The following LIPA variants were observed in gnomAD, a reference collection of about 807,000 sequenced individuals.
LIPA encodes lipase A, lysosomal acid type, also known as lysosomal acid lipase/cholesteryl ester hydrolase.
In LIPA, 26 loss-of-function variants were observed where a neutral mutation model predicts 40.6. The ratio of observed to expected loss-of-function variants is 0.64; its 90% CI spans 0.47 to 0.89. The LOEUF is 0.89. Among genes scored for constraint, LIPA ranks in the 40% least tolerant of loss-of-function variants. The pLI, the probability that LIPA is intolerant of heterozygous loss-of-function variation, is 0.00. For synonymous variants in LIPA, 188 were observed against 168.4 expected (o/e 1.12, Z -0.90); for missense variants, 455 against 479.6 (o/e 0.95, Z 0.48).
chr10:89,248,450 TTA>T (rs1491168885), intron 1 of LIPA, among the ~76,000 whole-genome samples: 1 of 34,596 alleles, frequency 2.9e-5, no homozygotes, highest in African/African-American at 2.0e-4. Flanking sequence ...TTATATTTAT[TTA>T]TTTATTTATT....
chr10:89,369,225 C>CTCAG (rs1161446605), intron 2 of LIPA, among the ~76,000 whole-genome samples: 1 of 152,286 alleles, frequency 6.6e-6, no homozygotes, highest in Admixed American at 6.5e-5. Context: ...GGAAGAGAAA[C>CTCAG]TCAGTCTCCT....
chr10:89,265,836 A>T (rs1843233053), intron 1 of LIPA, among the ~76,000 whole-genome samples: 1 of 152,236 alleles, frequency 6.6e-6, no homozygotes, highest in African/African-American at 2.4e-5. Flanking sequence ...TAAAAACCAA[A>T]GAAGATGCTA....
chr10:89,238,650 A>G (rs1324226683), intron 3 of LIPA, among the ~76,000 whole-genome samples: 1 of 152,062 alleles, frequency 6.6e-6, no homozygotes, highest in Non-Finnish European at 1.5e-5. Context: ...GCCTGTTCCA[A>G]CATAAGAATG....
At chr10:89,359,790 C>CTCTA (rs1030653132) in intron 2 of LIPA, among the ~76,000 whole-genome samples, 4 of 150,444 alleles carry the variant, frequency 2.7e-5, no homozygotes, top group African/African-American at 9.8e-5. Context: ...GGATCTCCCT[C>CTCTA]TCTATCTATC....
At chr10:89,377,764 C>T (rs304502) in intron 2 of LIPA, among the ~76,000 whole-genome samples, 26,400 of 152,106 alleles carry the variant, frequency 0.17, 2,994 homozygotes, top group East Asian at 0.46. Context: ...CAAAAATATA[C>T]GTTCCTGTCT....
At position 89,225,795 on chromosome 10, in the gene LIPA, A is replaced by C. The variant is rs188231590; in HGVS notation, c.539-567T>G. Among the ~76,000 whole-genome samples, 3 of 152,270 alleles carry C rather than the reference A, an allele frequency of 2.0e-5. No homozygotes were observed. In the East Asian group the frequency reaches 5.8e-4, roughly 29 times the overall value. On this transcript the variant is annotated intron_variant, in intron 5 of 9. Coordinates refer to ENST00000336233, the MANE Select transcript of LIPA (RefSeq NM_000235.4). ...GAGGGACCTGGTGGGAGATAATTGAATCACGGAGGCGGTTCCCCCCATACT... is the reference window on the plus strand; with the variant it reads ...GAGGGACCTGGTGGGAGATAATTGACTCACGGAGGCGGTTCCCCCCATACT...
upstream of LIPA, among the ~76,000 whole-genome samples, chr10:89,252,995 G>C (rs1689265265): frequency 6.6e-6 from 1 of 152,146 alleles, no homozygotes; most frequent in South Asian, 2.1e-4. Flanking sequence ...GTGGGTCCTA[G>C]CCAGAGTGGT....
At position 89,294,323 on chromosome 10, in the gene LIPA, T is replaced by A. The variant is rs114226187; in HGVS notation, c.-1-46674A>T. 4.2e-3 allele frequency among the ~76,000 whole-genome samples: 643 copies of A among 152,320 alleles called. 3 individuals are homozygous for A. Among genetic ancestry groups the A allele is most frequent in the African/African-American group, 0.015 (606 of 41,576 alleles). ...ATGGGCAGATTGGGAGATTGGGTAATTTATAATGAACAGACATTTATGGAC... is the reference window on the plus strand; with the variant it reads ...ATGGGCAGATTGGGAGATTGGGTAAATTATAATGAACAGACATTTATGGAC... On this transcript the variant is annotated intron_variant, in intron 1 of 5. Transcript: ENST00000282673.
chr10:89,359,706 G>A (rs1269885743), intron 2 of LIPA, among the ~76,000 whole-genome samples: 2 of 152,120 alleles, frequency 1.3e-5, no homozygotes, highest in African/African-American at 2.4e-5. Context: ...TGACAAAAGG[G>A]GAGCTCACAT....
chr10:89,373,143 C>A (rs1322641905), intron 2 of LIPA, among the ~76,000 whole-genome samples: 1 of 151,744 alleles, frequency 6.6e-6, no homozygotes. Flanking sequence ...ACCATCCTGG[C>A]TAACACAGTG....
chr10:89,268,328 GGATAA>G, intron 1 of LIPA, among the ~76,000 whole-genome samples: 1 of 152,284 alleles, frequency 6.6e-6, no homozygotes, highest in East Asian at 1.9e-4. Context: ...CTCAAATTTT[GGATAA>G]GATAATATGT....
chr10:89,367,289 G>A (rs12250550), intron 2 of LIPA, among the ~76,000 whole-genome samples: 2,681 of 151,992 alleles, frequency 0.018, 38 homozygotes, highest in African/African-American at 0.044. Context: ...AAACCTGCAC[G>A]TTGTGCACAT....
intron 1 of LIPA, among the ~76,000 whole-genome samples, chr10:89,281,780 T>G (rs1406605609): frequency 1.3e-5 from 2 of 152,250 alleles, no homozygotes; most frequent in South Asian, 2.1e-4. Context: ...TTAGGCAGGA[T>G]GTATGATGAT....
intron 1 of LIPA, among the ~76,000 whole-genome samples, chr10:89,327,248 C>T (rs1843608094): frequency 6.6e-6 from 1 of 152,136 alleles, no homozygotes. Flanking sequence ...TTTCTTAATA[C>T]ACTTAAAAAG....
At chr10:89,255,307 A>G (rs141411443), upstream of LIPA, among the ~76,000 whole-genome samples, 839 of 152,328 alleles carry the variant, frequency 5.5e-3, 6 homozygotes, top group African/African-American at 0.019. Flanking sequence ...ATGGCAGCAG[A>G]CATGAGAGGA....
upstream of LIPA, chr10:89,252,166 TGAAA>T (rs1190411935): frequency 2.0e-5 from 3 of 152,260 alleles, no homozygotes; most frequent in Non-Finnish European, 4.4e-5. Flanking sequence ...GCTCTATAAA[TGAAA>T]GTGAATCATG....
intron 1 of LIPA, chr10:89,306,517 C>T: frequency 1.9e-6 from 3 of 1,614,108 alleles, no homozygotes; most frequent in Middle Eastern, 3.3e-4. Context: ...GTCTGGACAA[C>T]TGGCCACCAT....
chr10:89,311,370 A>C (rs12252455), intron 1 of LIPA, among the ~76,000 whole-genome samples: 2,775 of 152,000 alleles, frequency 0.018, 50 homozygotes, highest in African/African-American at 0.043. Context: ...CAAAAAAAAT[A>C]CAAAAAAAAA....
intron 1 of LIPA, among the ~76,000 whole-genome samples, chr10:89,327,166 G>A (rs967856460): frequency 2.6e-4 from 40 of 152,324 alleles, no homozygotes; most frequent in Admixed American, 2.0e-3. Flanking sequence ...TGTCTGGGTC[G>A]TGGAGACCAA....
Sources: allele counts gnomAD v4.1 joint callset (sites outside exome capture counted in the v4.1 genomes callset), GRCh38; gene constraint gnomAD v4.1.1; transcripts MANE v1.5; gene names NCBI Gene and HGNC (gene_info 2026-07-23, HGNC 2026-07-21).